Variants in USP36 observed in about 807,000 individuals in gnomAD.
USP36 encodes the protein ubiquitin specific peptidase 36.
USP36 carries 59 observed loss-of-function variants against 111.5 expected under a neutral mutation model. That is an observed-to-expected ratio of 0.53 (90% confidence interval 0.43 to 0.66). USP36 has a LOEUF of 0.66. Ranked by LOEUF, USP36 falls within the 30% of genes least tolerant of loss-of-function variation. The pLI, the probability that USP36 is intolerant of heterozygous loss-of-function variation, is 0.00. For synonymous variants in USP36, 628 were observed against 581.0 expected (o/e 1.08, Z -1.16); for missense variants, 1,488 against 1,468.0 (o/e 1.01, Z -0.22).
intron 4 of USP36, among the ~76,000 whole-genome samples, chr17:78,832,087 G>A (rs1246662518): frequency 6.6e-6 from 1 of 152,098 alleles, no homozygotes; most frequent in African/African-American, 2.4e-5. Flanking sequence ...TGTAATTTAG[G>A]AAAATATAAC....
chr17:78,838,884 CA>C (rs1384755905), intron 1 of USP36, 134 bp from the exon 2 acceptor site: 1 of 152,194 alleles, frequency 6.6e-6, no homozygotes, highest in Non-Finnish European at 1.5e-5. Context: ...TCCACGCGTG[CA>C]CTCAGGATGA....
intron 13 of USP36, among the ~76,000 whole-genome samples, chr17:78,810,183 A>C (rs576018833): frequency 6.7e-6 from 1 of 149,962 alleles, no homozygotes; most frequent in East Asian, 2.0e-4. Context: ...CACCAGCGTG[A>C]TCATGGCTCA....
In USP36 at chr17:78,798,332, C is replaced by A; in HGVS notation, c.*20+68G>T. On this transcript the variant is annotated intron_variant, in intron 20 of 20. Coordinates refer to ENST00000449938, the MANE Select transcript of USP36 (RefSeq NM_001385174.1). The surrounding 1 kb of genome is among the most constrained non-coding windows in gnomAD (Gnocchi z 5.1). ...CATACACACACGCCACACCCCACCA[C>A]ACCCCTACACACATACACGGCACAC... 6.4e-7 allele frequency: 1 copy of A among 1,574,582 alleles called. No individual in the cohort carries two copies. Among genetic ancestry groups the A allele is most frequent in the South Asian group, 1.1e-5 (1 of 88,730 alleles).
chr17:78,830,813 G>A (rs1454676884), intron 4 of USP36, among the ~76,000 whole-genome samples: 1 of 151,698 alleles, frequency 6.6e-6, no homozygotes, highest in Non-Finnish European at 1.5e-5. Context: ...ATAAAGGGGA[G>A]GTTTTTTTCA....
intron 6 of USP36, chr17:78,823,288 A>G: frequency 2.5e-6 from 1 of 398,198 alleles, no homozygotes; most frequent in South Asian, 1.3e-4. Context: ...TAATCTCTGC[A>G]TGGACTGAGA....
chr17:78,827,360 G>A lies in USP36; in HGVS notation c.587-13C>T. On this transcript the variant is annotated splice_polypyrimidine_tract_variant and intron_variant, in intron 5 of 20. Transcript: ENST00000449938. ...TGTCGGGCGATCTCTAAAAGAGGAAGAAACAGGGAGGGAAGAGCTCGTGTC... is the reference window on the plus strand; with the variant it reads ...TGTCGGGCGATCTCTAAAAGAGGAAAAAACAGGGAGGGAAGAGCTCGTGTC... 2 of 1,603,202 alleles carry A rather than the reference G, an allele frequency of 1.2e-6. No homozygotes were observed. Among genetic ancestry groups the A allele is most frequent in the Non-Finnish European group, 8.5e-7 (1 of 1,172,600 alleles).
At chr17:78,823,462 G>C in intron 6 of USP36, among the ~76,000 whole-genome samples, 1 of 152,282 alleles carries the variant, frequency 6.6e-6, no homozygotes, top group African/African-American at 2.4e-5. Context: ...TCCCCAGGAG[G>C]AGGAAAGGCA....
At chr17:78,794,473 T>C (rs1271590387), downstream of USP36, among the ~76,000 whole-genome samples, 1 of 152,202 alleles carries the variant, frequency 6.6e-6, no homozygotes, top group Non-Finnish European at 1.5e-5. Context: ...GACAGGCTCC[T>C]CATGGCCTCC....
rs889985179 is a variant in USP36 at position 78,803,960 on chromosome 17, G to A, written c.2235C>T (p.Pro745=). Residue 745 remains proline, a synonymous_variant, in exon 16 of 21, where the codon CCC becomes CCT. Transcript: ENST00000449938. The surrounding 1 kb of genome is among the most constrained non-coding windows in gnomAD (Gnocchi z 4.6). ...VHRARAVSPA[P]QSSSRLQPPF... ...GGGGTTGCAGGCGGCTGGATGATTGGGGAGCAGGTGACACAGCCCTGTGGG... is the reference window on the plus strand; with the variant it reads ...GGGGTTGCAGGCGGCTGGATGATTGAGGAGCAGGTGACACAGCCCTGTGGG... The A allele has an allele frequency of 2.1e-5, 34 of 1,597,992 alleles. No homozygotes were observed. Among genetic ancestry groups the A allele is most frequent in the Non-Finnish European group, 2.8e-5 (33 of 1,176,038 alleles).
At chr17:78,826,986 G>A (rs971675078) in intron 6 of USP36, 27 of 639,950 alleles carry the variant, frequency 4.2e-5, no homozygotes, top group Middle Eastern at 3.5e-4. Flanking sequence ...CACAGCTGCC[G>A]CCACCACAGC....
rs1227125430 is a variant in USP36 at position 78,796,336 on chromosome 17, G to GCTTT, written c.*1560_*1563dup. 1.2e-4 allele frequency: 18 copies of GCTTT among 151,978 alleles called. No individual in the cohort carries two copies. Among genetic ancestry groups the GCTTT allele is most frequent in the African/African-American group, 3.6e-4 (15 of 41,350 alleles). 9.4% of individuals were successfully genotyped at this position (151,978 alleles called of 1,614,324 possible). A position where few individuals can be genotyped will look rare whatever the true frequency, so the allele number is the denominator to read the frequency against. ...ACATACCCTGCCCGTGAAGGCATGT[G>GCTTT]CTTTCCCTTCCAGATAAGTTACAAA... On this transcript the variant is annotated 3_prime_UTR_variant, in exon 21 of 21. Coordinates refer to ENST00000449938, the MANE Select transcript of USP36 (RefSeq NM_001385174.1).
chr17:78,799,608 T>G (rs746746397), intron 18 of USP36, 59 bp downstream of exon 18: 459 of 1,511,036 alleles, frequency 3.0e-4, no homozygotes, highest in Non-Finnish European at 4.0e-4. Context: ...TCCACACCCT[T>G]CCCTCCTACA....
exon 4 of USP36, chr17:78,787,520 AGGTGTATATTCAGTC>A (rs2093545798): frequency 6.6e-6 from 1 of 152,216 alleles, no homozygotes; most frequent in South Asian, 2.1e-4. Flanking sequence ...ACTCGTTTAC[AGGTGTATATTCAGTC>A]GCTGAACAAA....
chr17:78,799,642 A>G (rs1223500018), intron 18 of USP36, 25 bp downstream of exon 18: 2 of 1,607,996 alleles, frequency 1.2e-6, no homozygotes, highest in Admixed American at 1.7e-5. Flanking sequence ...AAAGGCAAAC[A>G]GAAGTCCTGT....
At chr17:78,809,430 C>T (rs1567929685) in intron 13 of USP36, among the ~76,000 whole-genome samples, 2 of 152,172 alleles carry the variant, frequency 1.3e-5, no homozygotes, top group Admixed American at 1.3e-4. Context: ...TCCATACACA[C>T]TAGAACTTGC....
In USP36 at chr17:78,807,411, A is replaced by C. The variant is rs1192983091; in HGVS notation, c.1633T>G (p.Phe545Val). 6.2e-7 allele frequency: 1 copy of C among 1,614,116 alleles called. No homozygotes were observed. The highest frequency in any genetic ancestry group is 1.7e-5 in the Admixed American group (1 of 60,014). Residue 545 changes from phenylalanine to valine, a missense_variant, in exon 14 of 21, where the codon TTT becomes GTT. By Grantham distance (50) the Phe-to-Val change is conservative. This residue lies in a region of USP36 where 1,073 missense variants were observed against 994.1 expected (regional missense o/e 1.08). Transcript: ENST00000449938. ...KVKKPAPPQH[F>V]SPRTAQGLPG... ...AGCCCCTGAGCAGTTCTGGGGGAAA[A>C]GTGCTGTGGAGGAGCTGGCTTCTTC...
intron 11 of USP36, among the ~76,000 whole-genome samples, chr17:78,814,171 G>A (rs1343134100): frequency 1.3e-5 from 2 of 152,124 alleles, no homozygotes; most frequent in African/African-American, 2.4e-5. Flanking sequence ...TCTAAGGATG[G>A]CACCAGAAGC....
rs1347722702 is a variant in USP36 at position 78,807,404 on chromosome 17, G to A, written c.1640C>T (p.Pro547Leu). 1.2e-6 allele frequency: 2 copies of A among 1,614,176 alleles called. No individual in the cohort carries two copies. The highest frequency in any genetic ancestry group is 1.6e-4 in the Middle Eastern group (1 of 6,062). Residue 547 changes from proline (P) to leucine (L), a missense_variant, in exon 14 of 21, where the codon CCC (proline) becomes CTC (leucine). Transcript: ENST00000449938. ...KKPAPPQHFSPRTAQGLPGTS... is the reference protein window; with the variant it reads ...KKPAPPQHFSLRTAQGLPGTS... Reference sequence around the variant, plus strand: ...CCCAGGCAGCCCCTGAGCAGTTCTGGGGGAAAAGTGCTGTGGAGGAGCTGG... The same window carrying A: ...CCCAGGCAGCCCCTGAGCAGTTCTGAGGGAAAAGTGCTGTGGAGGAGCTGG...
At position 78,795,905 on chromosome 17, in the gene USP36, G is replaced by T. The variant is rs1226209442; in HGVS notation, c.*1995C>A. 4 of 152,270 alleles carry T rather than the reference G, an allele frequency of 2.6e-5. No individual in the cohort carries two copies. The highest frequency in any genetic ancestry group is 9.6e-5 in the African/African-American group (4 of 41,460). 9.4% of individuals were successfully genotyped at this position (152,270 alleles called of 1,614,324 possible). On this transcript the variant is annotated 3_prime_UTR_variant, in exon 21 of 21. Coordinates refer to ENST00000449938, the MANE Select transcript of USP36 (RefSeq NM_001385174.1). The surrounding 1 kb of genome is among the most constrained non-coding windows in gnomAD (Gnocchi z 4.5). ...CAGATCCTAAGTCAACCAAGTGACT[G>T]CTATGACAAAGGCTTGGGTTATTGA...
Sources: gnomAD v4.1 joint callset for allele counts (sites outside exome capture counted in the v4.1 genomes callset) on GRCh38, gnomAD v4.1.1 for gene constraint, gnomAD v4.1.1 regional missense constraint, Gnocchi (gnomAD v3.1) non-coding constraint, MANE v1.5 for transcripts, NCBI Gene and HGNC (gene_info 2026-07-23, HGNC 2026-07-21) for gene names.